The following ADGRB3 variants were observed in gnomAD, a reference collection of about 807,000 sequenced individuals.
The protein encoded by ADGRB3 is adhesion G protein-coupled receptor B3, also known as brain-specific angiogenesis inhibitor 3.
Under a neutral mutation model 193.4 loss-of-function variants are expected in ADGRB3, and 37 were observed. The ratio of observed to expected loss-of-function variants is 0.19; its 90% CI spans 0.15 to 0.25. The LOEUF (loss-of-function observed/expected upper bound fraction) is 0.25. Ranked by LOEUF, ADGRB3 falls within the 10% of genes least tolerant of loss-of-function variation. ADGRB3 has a pLI of 1.00. For missense variants in ADGRB3, 1,637 were observed against 1,852.9 expected (o/e 0.88, Z 2.14); for synonymous variants, 690 against 644.2 (o/e 1.07, Z -1.08).
intron 20 of ADGRB3, among the ~76,000 whole-genome samples, chr6:69,256,065 T>C (rs1000737485): frequency 1.3e-5 from 2 of 151,796 alleles, no homozygotes; most frequent in African/African-American, 4.8e-5. Context: ...GATCTATATC[T>C]CTGTTTTGGT....
At chr6:68,877,667 CATT>C (rs1396328685) in intron 3 of ADGRB3, among the ~76,000 whole-genome samples, 1 of 152,020 alleles carries the variant, frequency 6.6e-6, no homozygotes, top group Admixed American at 6.6e-5. Context: ...AAAACAAAGA[CATT>C]ATCTTTCTTC....
At chr6:69,035,672 A>G (rs1582410638) in intron 13 of ADGRB3, among the ~76,000 whole-genome samples, 2 of 152,164 alleles carry the variant, frequency 1.3e-5, no homozygotes, top group East Asian at 3.8e-4. Context: ...AATGAATAGG[A>G]AAGGCACAAC....
chr6:69,167,036 C>A (rs1364408498), intron 17 of ADGRB3, among the ~76,000 whole-genome samples: 1 of 152,018 alleles, frequency 6.6e-6, no homozygotes, highest in Non-Finnish European at 1.5e-5. Context: ...CATCTTTGTT[C>A]TGCTGTATGT....
chr6:69,132,540 G>A (rs897473891), intron 17 of ADGRB3, among the ~76,000 whole-genome samples: 3 of 151,980 alleles, frequency 2.0e-5, no homozygotes, highest in Non-Finnish European at 1.5e-5. Context: ...TTGTCAGATG[G>A]ATAGATTGCA....
chr6:69,254,915 T>A (rs569517382), intron 20 of ADGRB3, among the ~76,000 whole-genome samples: 2 of 142,682 alleles, frequency 1.4e-5, no homozygotes, highest in African/African-American at 2.6e-5. Context: ...TGTCCATGTG[T>A]TCTCATTGTT....
Position 68,956,034 on chromosome 6 carries a change from G to A in ADGRB3, c.1206G>A (p.Gln402=). ...TTTCTGCTTTGGTAGTTGATGGACAGTGGCAAGAGTGGAGTTCGTGGAGCC... is the reference window on the plus strand; with the variant it reads ...TTTCTGCTTTGGTAGTTGATGGACAATGGCAAGAGTGGAGTTCGTGGAGCC... ...CNIALCPVDG[Q]WQEWSSWSQC... The change falls in exon 7 of 32, where the codon CAG becomes CAA. Residue 402 remains glutamine, a synonymous_variant. Coordinates refer to ENST00000370598, the MANE Select transcript of ADGRB3 (RefSeq NM_001704.3). 6.2e-7 allele frequency: 1 copy of A among 1,613,350 alleles called. No homozygotes were observed. The highest frequency in any genetic ancestry group is 8.5e-7 in the Non-Finnish European group (1 of 1,179,778).
At chr6:69,104,495 C>G (rs1251951488) in intron 17 of ADGRB3, among the ~76,000 whole-genome samples, 21 of 151,812 alleles carry the variant, frequency 1.4e-4, no homozygotes, top group Non-Finnish European at 1.5e-5. Flanking sequence ...CGCAATGGTT[C>G]AGGATAGAGC....
intron 3 of ADGRB3, among the ~76,000 whole-genome samples, chr6:68,837,499 C>T (rs189543401): frequency 3.2e-4 from 49 of 152,064 alleles, no homozygotes; most frequent in African/African-American, 1.1e-3. Context: ...TATGATATAA[C>T]ATAGATAAAT....
intron 29 of ADGRB3, among the ~76,000 whole-genome samples, chr6:69,371,736 C>T (rs2127339889): frequency 6.6e-6 from 1 of 151,974 alleles, no homozygotes; most frequent in East Asian, 1.9e-4. Flanking sequence ...AACTGTTTAA[C>T]AAAGGTGGAG....
intron 3 of ADGRB3, among the ~76,000 whole-genome samples, chr6:68,791,381 T>A (rs1030810939): frequency 7.9e-5 from 12 of 152,224 alleles, no homozygotes; most frequent in Non-Finnish European, 1.6e-4. Context: ...GCTACATAAG[T>A]ATAATAACTA....
intron 31 of ADGRB3, among the ~76,000 whole-genome samples, chr6:69,386,163 T>C (rs193015886): frequency 2.6e-4 from 40 of 152,234 alleles, no homozygotes; most frequent in African/African-American, 9.1e-4. Flanking sequence ...CAATAGGTCA[T>C]GTAGTGACAA....
chr6:68,833,163 C>G (rs1486948233), intron 3 of ADGRB3, among the ~76,000 whole-genome samples: 1 of 152,000 alleles, frequency 6.6e-6, no homozygotes, highest in African/African-American at 2.4e-5. Flanking sequence ...TGTCAAGATA[C>G]CTTAATGTTT....
intron 13 of ADGRB3, among the ~76,000 whole-genome samples, chr6:69,025,288 TG>T (rs990906083): frequency 2.6e-5 from 4 of 152,112 alleles, no homozygotes; most frequent in African/African-American, 7.2e-5. Context: ...TTATATTCAC[TG>T]GCAAACTTGA....
rs576827120 is a variant in ADGRB3 at position 68,790,622 on chromosome 6, C to T, written c.758-139937C>T. On this transcript the variant is annotated intron_variant, in intron 3 of 31. Transcript: ENST00000370598. ...AGGAACGATCAGGCAGCAGCATCTG[C>T]GGTTCACCAATATCTGCTGTTCTGC... Among the ~76,000 whole-genome samples, 162 of 152,200 alleles carry T rather than the reference C, an allele frequency of 1.1e-3. 1 individual carries two copies. Among genetic ancestry groups the T allele is most frequent in the African/African-American group, 3.6e-3 (151 of 41,530 alleles).
At chr6:69,008,871 A>G (rs922713049) in intron 11 of ADGRB3, among the ~76,000 whole-genome samples, 3 of 152,156 alleles carry the variant, frequency 2.0e-5, no homozygotes, top group Admixed American at 6.6e-5. Context: ...ATATTTACTC[A>G]AGATAACTAG....
chr6:69,251,132 G>C (rs1284439963), intron 20 of ADGRB3, among the ~76,000 whole-genome samples: 2 of 152,192 alleles, frequency 1.3e-5, no homozygotes, highest in African/African-American at 2.4e-5. Context: ...AGTTTCAAAA[G>C]CGTCTCATCA....
At chr6:69,081,545 CTT>C (rs1386639285) in intron 17 of ADGRB3, among the ~76,000 whole-genome samples, 1 of 151,710 alleles carries the variant, frequency 6.6e-6, no homozygotes, top group Non-Finnish European at 1.5e-5. Context: ...CTAAATGAAA[CTT>C]TTACTTTTTG....
At chr6:68,730,667 A>G (rs1269416997) in intron 3 of ADGRB3, among the ~76,000 whole-genome samples, 1 of 151,706 alleles carries the variant, frequency 6.6e-6, no homozygotes, top group Non-Finnish European at 1.5e-5. Flanking sequence ...TTACAGCAGA[A>G]TAAAAGGAAA....
intron 26 of ADGRB3, among the ~76,000 whole-genome samples, chr6:69,349,809 A>C (rs953462570): frequency 6.6e-6 from 1 of 152,232 alleles, no homozygotes; most frequent in African/African-American, 2.4e-5. Context: ...GAATTACTGT[A>C]GGTAAAACTG....
Sources: gnomAD v4.1 joint callset for allele counts (sites outside exome capture counted in the v4.1 genomes callset) on GRCh38, gnomAD v4.1.1 for gene constraint, MANE v1.5 for transcripts, NCBI Gene and HGNC (gene_info 2026-07-23, HGNC 2026-07-21) for gene names.